HGSNAT: variants seen among roughly 807,000 people sequenced by gnomAD.
HGSNAT encodes heparan-alpha-glucosaminide N-acetyltransferase, also known as transmembrane protein 76.
A neutral mutation model predicts 85.2 loss-of-function variants in HGSNAT; 59 were observed. That is an observed-to-expected ratio of 0.69 (90% CI 0.56 to 0.86). The LOEUF (loss-of-function observed/expected upper bound fraction) is 0.86, where lower values mean the gene tolerates loss of function less well. Ranked by LOEUF, HGSNAT falls within the 40% of genes least tolerant of loss-of-function variation. The pLI is 0.00. For missense variants in HGSNAT, 756 were observed against 777.1 expected (o/e 0.97, Z 0.32); for synonymous variants, 321 against 304.5 (o/e 1.05, Z -0.56).
intron 5 of HGSNAT, among the ~76,000 whole-genome samples, chr8:43,165,655 G>A (rs1251638136): frequency 1.3e-5 from 2 of 152,224 alleles, no homozygotes; most frequent in African/African-American, 2.4e-5. Flanking sequence ...AAGTGAAACA[G>A]GCTGGGCTTA....
intron 11 of HGSNAT, among the ~76,000 whole-genome samples, chr8:43,189,913 G>A (rs1804469305): frequency 6.6e-6 from 1 of 152,202 alleles, no homozygotes; most frequent in Non-Finnish European, 1.5e-5. Context: ...ATTCTTGATA[G>A]TATTAAATAA....
chr8:43,141,411 C>T (rs1802536405), intron 1 of HGSNAT, among the ~76,000 whole-genome samples: 1 of 152,138 alleles, frequency 6.6e-6, no homozygotes, highest in South Asian at 2.1e-4. Context: ...ACCGTGATTG[C>T]ACAACTGGCT....
intron 10 of HGSNAT, among the ~76,000 whole-genome samples, chr8:43,179,546 G>A (rs1411101653): frequency 1.0e-5 from 1 of 99,206 alleles, no homozygotes. Flanking sequence ...CCCCCCCACC[G>A]CCTCCCTCCC....
At chr8:43,180,945 C>G (rs1175721340) in intron 10 of HGSNAT, among the ~76,000 whole-genome samples, 1 of 105,448 alleles carries the variant, frequency 9.5e-6, no homozygotes, top group Non-Finnish European at 2.0e-5. Flanking sequence ...AACCGAAAAC[C>G]AGTCAGGCGT....
Position 43,140,597 on chromosome 8 carries a change from A to G in HGSNAT, c.101A>G (p.Gln34Arg). The change falls in exon 1 of 18, where the codon CAG (glutamine) becomes CGG (arginine). Residue 34 changes from glutamine to arginine, a missense_variant. By Grantham distance (43) the Gln-to-Arg change is conservative. Transcript: ENST00000379644. ...APGGSSGRDA[Q>R]AAPPRDLDKK... ...GGCGGCTCTTCGGGGCGCGATGCCC[A>G]GGCCGCGCCGCCACGAGGTGAGTGC... The G allele has an allele frequency of 1.6e-6, 2 of 1,235,760 alleles. No homozygotes were observed. 76.5% of individuals were successfully genotyped at this position (1,235,760 alleles called of 1,614,324 possible). A position where few individuals can be genotyped will look rare whatever the true frequency, so the allele number is the denominator to read the frequency against.
At chr8:43,153,616 C>T (rs1223503747) in intron 2 of HGSNAT, among the ~76,000 whole-genome samples, 3 of 152,122 alleles carry the variant, frequency 2.0e-5, no homozygotes, top group Admixed American at 6.6e-5. Context: ...ATATACATTA[C>T]ATTATTGTTA....
chr8:43,173,973 T>G lies in HGSNAT; in HGVS notation c.851+230T>G, dbSNP rs868237804. The G allele has an allele frequency of 2.0e-4, 70 of 348,468 alleles. 1 individual carries two copies. In the Middle Eastern group the frequency reaches 2.5e-3, roughly 12 times the overall value. 21.6% of individuals were successfully genotyped at this position (348,468 alleles called of 1,614,324 possible). On this transcript the variant is annotated intron_variant, in intron 9 of 17. Coordinates refer to ENST00000379644, the MANE Select transcript of HGSNAT (RefSeq NM_152419.3). The stretch of plus-strand genomic sequence containing the variant: ...GCTCACGCCTGTAATCCTAGCACTT[T>G]GGGAGGCTGAGGCAGGCGAATTACC...
At chr8:43,182,076 A>C (rs937930896) in intron 10 of HGSNAT, 69 bp from the exon 11 acceptor site, 2 of 1,202,918 alleles carry the variant, frequency 1.7e-6, no homozygotes, top group Non-Finnish European at 2.5e-6. Flanking sequence ...TTTAGGAAAC[A>C]AATAATGTTG....
intron 14 of HGSNAT, among the ~76,000 whole-genome samples, chr8:43,195,655 T>TGGAGGAGGAGGAGGGAGAAGA (rs144111342): frequency 1.6e-4 from 11 of 67,616 alleles, no homozygotes; most frequent in Non-Finnish European, 2.2e-4. Flanking sequence ...GAGGAGGGGC[T>TGGAGGAGGAGGAGGGAGAAGA]GGAGGAGGAG....
chr8:43,168,462 G>A (rs1005796684), intron 5 of HGSNAT, among the ~76,000 whole-genome samples: 3 of 122,510 alleles, frequency 2.4e-5, no homozygotes, highest in South Asian at 2.7e-4. Context: ...GCGTGATCTC[G>A]GCTCACTGCA....
chr8:43,182,057 G>A (rs1004514130), intron 10 of HGSNAT, 88 bp from the exon 11 acceptor site: 6 of 972,252 alleles, frequency 6.2e-6, no homozygotes, highest in Non-Finnish European at 8.4e-6. Flanking sequence ...ATATAGGTAT[G>A]TCTTCCCCTT....
chr8:43,155,646 G>A (rs1276237388), intron 2 of HGSNAT, among the ~76,000 whole-genome samples: 1 of 152,114 alleles, frequency 6.6e-6, no homozygotes, highest in South Asian at 2.1e-4. Context: ...ATGCACCAGT[G>A]TCATGCAATG....
At chr8:43,188,004 A>T (rs1057343056) in intron 11 of HGSNAT, among the ~76,000 whole-genome samples, 1 of 152,200 alleles carries the variant, frequency 6.6e-6, no homozygotes, top group Non-Finnish European at 1.5e-5. Flanking sequence ...GTTTCTGCTG[A>T]GAGATCTGCT....
intron 11 of HGSNAT, among the ~76,000 whole-genome samples, chr8:43,186,307 A>G (rs1453103511): frequency 6.6e-6 from 1 of 152,140 alleles, no homozygotes; most frequent in Non-Finnish European, 1.5e-5. Flanking sequence ...TATTGCTTCA[A>G]TTTCAGAGCC....
chr8:43,157,686 G>A (rs1258472703), intron 2 of HGSNAT, among the ~76,000 whole-genome samples: 1 of 152,130 alleles, frequency 6.6e-6, no homozygotes, highest in East Asian at 1.9e-4. Context: ...GCTGAGGTGG[G>A]AGAATTGCTT....
At chr8:43,198,047 A>G (rs888005975) in intron 17 of HGSNAT, 95 bp downstream of exon 17, 1 of 855,440 alleles carries the variant, frequency 1.2e-6, no homozygotes. Context: ...GTCTTGAGCC[A>G]CTGCCCTAGC....
chr8:43,190,019 A>G (rs1804472277), intron 11 of HGSNAT, among the ~76,000 whole-genome samples: 1 of 152,234 alleles, frequency 6.6e-6, no homozygotes, highest in African/African-American at 2.4e-5. Flanking sequence ...TGTAAAATTC[A>G]TGTAACGTTT....
chr8:43,160,496 A>G (rs1041269438), intron 4 of HGSNAT, among the ~76,000 whole-genome samples: 1 of 152,220 alleles, frequency 6.6e-6, no homozygotes. Flanking sequence ...CATTGTGTTT[A>G]TATAACAAAA....
chr8:43,169,157 C>A lies in HGSNAT; in HGVS notation c.564-16C>A. On this transcript the variant is annotated splice_polypyrimidine_tract_variant and intron_variant, in intron 5 of 17. Transcript: ENST00000379644. ...CCAATGAAAATAAATTAATTGAGCC[C>A]TTTATTTATTTTCAGTTTGGATGAC... 1 of 1,478,756 alleles carries A rather than the reference C, an allele frequency of 6.8e-7. No homozygotes were observed. Among genetic ancestry groups the A allele is most frequent in the Admixed American group, 2.3e-5 (1 of 44,084 alleles). 91.6% of individuals were successfully genotyped at this position (1,478,756 alleles called of 1,614,324 possible). A position where few individuals can be genotyped will look rare whatever the true frequency, so the allele number is the denominator to read the frequency against.
Sources: gnomAD v4.1 joint callset for allele counts (sites outside exome capture counted in the v4.1 genomes callset) on GRCh38, gnomAD v4.1.1 for gene constraint, MANE v1.5 for transcripts, NCBI Gene and HGNC (gene_info 2026-07-23, HGNC 2026-07-21) for gene names.